The following INTS9 variants were observed in gnomAD, a reference collection of about 807,000 sequenced individuals.
INTS9 encodes protein related to CPSF subunits of 74 kDa.
INTS9 carries 55 observed loss-of-function variants against 79.7 expected under a neutral mutation model. The observed-to-expected ratio is 0.69, with a 90% CI of 0.56 to 0.86. The LOEUF (loss-of-function observed/expected upper bound fraction) is 0.86, where lower values mean the gene tolerates loss of function less well. INTS9 is among the 40% of genes least tolerant of loss of function. The probability of loss-of-function intolerance (pLI) is 0.00; values close to 1 mark genes in which losing one functional copy is unlikely to be tolerated. For synonymous variants in INTS9, 319 were observed against 325.2 expected (o/e 0.98, Z 0.20); for missense variants, 721 against 831.5 (o/e 0.87, Z 1.64).
intron 4 of INTS9, 62 bp from the exon 5 acceptor site, chr8:28,837,838 A>G (rs1383887474): frequency 2.6e-5 from 39 of 1,487,988 alleles, no homozygotes; most frequent in Non-Finnish European, 3.5e-5. Context: ...TGATGTGACT[A>G]AAAAACGACG....
chr8:28,884,418 C>CA (rs1466754138), intron 1 of INTS9, among the ~76,000 whole-genome samples: 1 of 151,974 alleles, frequency 6.6e-6, no homozygotes, highest in Non-Finnish European at 1.5e-5. Flanking sequence ...CACCTGGGCT[C>CA]AAGTGATCCT....
chr8:28,772,082 G>A (rs1585320844), intron 14 of INTS9, among the ~76,000 whole-genome samples: 1 of 152,130 alleles, frequency 6.6e-6, no homozygotes, highest in African/African-American at 2.4e-5. Context: ...GGCTGGTCTT[G>A]AACTCCTGGC....
At chr8:28,849,323 ATTAAG>A (rs983306315) in intron 3 of INTS9, among the ~76,000 whole-genome samples, 44 of 152,254 alleles carry the variant, frequency 2.9e-4, no homozygotes, top group African/African-American at 1.0e-3. Flanking sequence ...TCTTTCATTT[ATTAAG>A]TTAACTGTCT....
At chr8:28,773,771 G>A (rs74798094) in intron 14 of INTS9, among the ~76,000 whole-genome samples, 1,544 of 151,824 alleles carry the variant, frequency 0.01, 16 homozygotes, top group East Asian at 0.03. Flanking sequence ...ATTCACCCCC[G>A]CCTCAGCCTC....
At chr8:28,845,156 T>G (rs532048638) in intron 4 of INTS9, among the ~76,000 whole-genome samples, 1 of 152,232 alleles carries the variant, frequency 6.6e-6, no homozygotes, top group Admixed American at 6.5e-5. Context: ...CTACAGACCA[T>G]AAATTCAATC....
At chr8:28,776,167 T>C (rs1802865883) in intron 13 of INTS9, 1 of 422,046 alleles carries the variant, frequency 2.4e-6, no homozygotes. Flanking sequence ...TCTTTCTTAC[T>C]CTTTACATAA....
chr8:28,782,746 T>C (rs1803356224), intron 11 of INTS9, among the ~76,000 whole-genome samples: 1 of 152,158 alleles, frequency 6.6e-6, no homozygotes, highest in Non-Finnish European at 1.5e-5. Context: ...CAAGACCCTG[T>C]CTCTACAAAA....
At chr8:28,820,547 C>G (rs1432632705) in intron 6 of INTS9, among the ~76,000 whole-genome samples, 2 of 152,226 alleles carry the variant, frequency 1.3e-5, no homozygotes, top group African/African-American at 4.8e-5. Flanking sequence ...CCCAACCTTT[C>G]TCTTTGGCTG....
chr8:28,876,629 A>C (rs1389138073), intron 1 of INTS9, among the ~76,000 whole-genome samples: 2 of 152,176 alleles, frequency 1.3e-5, no homozygotes, highest in Non-Finnish European at 2.9e-5. Flanking sequence ...CAAAACTCCT[A>C]TTCCAAATCA....
chr8:28,838,423 G>A (rs1409445987), intron 4 of INTS9, among the ~76,000 whole-genome samples: 1 of 152,022 alleles, frequency 6.6e-6, no homozygotes, highest in Non-Finnish European at 1.5e-5. Context: ...AGAAAAGACA[G>A]GTTAGCATGT....
chr8:28,817,988 T>C (rs1344245548), intron 6 of INTS9, among the ~76,000 whole-genome samples: 2 of 148,324 alleles, frequency 1.3e-5, no homozygotes, highest in Admixed American at 6.8e-5. Flanking sequence ...TTGTGATTTT[T>C]GTACATTGAT....
intron 1 of INTS9, among the ~76,000 whole-genome samples, chr8:28,888,828 A>G (rs1017858035): frequency 6.6e-6 from 1 of 152,226 alleles, no homozygotes; most frequent in Non-Finnish European, 1.5e-5. Flanking sequence ...CTGTAGCACA[A>G]TGATTATCAA....
At position 28,846,801 on chromosome 8, in the gene INTS9, C is replaced by A; in HGVS notation, c.207G>T (p.Lys69Asn). 1 of 1,612,596 alleles carries A rather than the reference C, an allele frequency of 6.2e-7. No individual in the cohort carries two copies. Among genetic ancestry groups the A allele is most frequent in the Non-Finnish European group, 8.5e-7 (1 of 1,178,644 alleles). ...CCACAAATACATGACCCGAGCACTC[C>A]TTTAGCTCCTAAAAGAAATGAAAAG... ...DGNAFLDKEL[K>N]ECSGHVFVDS... The change falls in exon 4 of 17, where the codon AAG (lysine) becomes AAT (asparagine). Residue 69 changes from lysine (K) to asparagine (N), a missense_variant. Physicochemically the swap from Lys to Asn is moderately conservative, Grantham distance 94. Transcript: ENST00000521022.
chr8:28,841,769 A>G (rs1429449751), intron 4 of INTS9, among the ~76,000 whole-genome samples: 5 of 152,188 alleles, frequency 3.3e-5, no homozygotes, highest in Non-Finnish European at 5.9e-5. Context: ...AAAATAAGCT[A>G]GAGAAAAGAA....
Position 28,883,510 on chromosome 8 carries a change from C to T in INTS9, c.9+6364G>A, listed in dbSNP as rs76042273. ...GGTGGGGAAAATGCATTCTCATATACTACCTGTACAATGGAAAACTAGTGA... is the reference window on the plus strand; with the variant it reads ...GGTGGGGAAAATGCATTCTCATATATTACCTGTACAATGGAAAACTAGTGA... On this transcript the variant is annotated intron_variant, in intron 1 of 16. Transcript: ENST00000521022. Among the ~76,000 whole-genome samples the T allele has an allele frequency of 5.7e-3, 870 of 152,326 alleles. 4 individuals are homozygous for T. The highest frequency in any genetic ancestry group is 0.02 in the African/African-American group (845 of 41,558).
intron 6 of INTS9, among the ~76,000 whole-genome samples, chr8:28,821,436 A>G (rs1456473926): frequency 6.6e-6 from 1 of 152,184 alleles, no homozygotes; most frequent in Non-Finnish European, 1.5e-5. Flanking sequence ...TGATTCCATT[A>G]TCTCCCCCTG....
intron 2 of INTS9, among the ~76,000 whole-genome samples, chr8:28,851,280 T>C (rs994892100): frequency 4.6e-5 from 7 of 151,982 alleles, no homozygotes; most frequent in African/African-American, 1.7e-4. Context: ...AGTCTGTAAT[T>C]AGATGATAGG....
chr8:28,777,984 A>G, intron 12 of INTS9, 31 bp from the exon 13 acceptor site: 3 of 1,587,188 alleles, frequency 1.9e-6, no homozygotes, highest in Non-Finnish European at 2.6e-6. Context: ...AAATCTTACA[A>G]TGCAGACTAC....
chr8:28,833,949 G>A (rs966936075), intron 6 of INTS9, among the ~76,000 whole-genome samples: 1 of 152,036 alleles, frequency 6.6e-6, no homozygotes, highest in African/African-American at 2.4e-5. Flanking sequence ...TCACCTCTCC[G>A]GGATTGTTAA....
Sources: gnomAD v4.1 joint callset for allele counts (sites outside exome capture counted in the v4.1 genomes callset) on GRCh38, gnomAD v4.1.1 for gene constraint, MANE v1.5 for transcripts, NCBI Gene and HGNC (gene_info 2026-07-23, HGNC 2026-07-21) for gene names.